Variants in BACH2 observed in about 807,000 individuals in gnomAD.
BACH2 encodes BACH transcriptional regulator 2, also known as transcription regulator protein BACH2.
In BACH2, 5 loss-of-function variants were observed where a neutral mutation model predicts 61.8. The observed-to-expected ratio is 0.08, with a 90% CI of 0.04 to 0.17. The LOEUF is 0.17. BACH2 is among the 10% of genes least tolerant of loss of function. The probability of loss-of-function intolerance (pLI) is 1.00; values close to 1 mark genes in which losing one functional copy is unlikely to be tolerated. For missense variants in BACH2, 824 were observed against 1,091.1 expected (o/e 0.76, Z 3.45); for synonymous variants, 446 against 440.1 (o/e 1.01, Z -0.17).
chr6:89,943,655 T>C (rs1053388284), intron 7 of BACH2, among the ~76,000 whole-genome samples: 3 of 152,212 alleles, frequency 2.0e-5, no homozygotes, highest in African/African-American at 7.2e-5. Flanking sequence ...CTAGTGTCTC[T>C]GCTTTGCTGG....
intron 4 of BACH2, among the ~76,000 whole-genome samples, chr6:90,155,236 C>G (rs1024403347): frequency 2.0e-5 from 3 of 152,174 alleles, no homozygotes; most frequent in Non-Finnish European, 4.4e-5. Context: ...CTGTTATGGG[C>G]TGGAAAGCCA....
chr6:90,092,330 T>C (rs1463225408), intron 4 of BACH2, among the ~76,000 whole-genome samples: 1 of 131,790 alleles, frequency 7.6e-6, no homozygotes, highest in Admixed American at 7.6e-5. Flanking sequence ...ACACACACAT[T>C]GCATCACTTG....
chr6:90,256,553 C>T (rs1417722581), intron 2 of BACH2, among the ~76,000 whole-genome samples: 2 of 152,096 alleles, frequency 1.3e-5, no homozygotes, highest in Non-Finnish European at 2.9e-5. Flanking sequence ...CATTTAAGAC[C>T]TCATGTGAAT....
At chr6:89,993,684 G>A (rs1776698518) in intron 6 of BACH2, among the ~76,000 whole-genome samples, 1 of 152,102 alleles carries the variant, frequency 6.6e-6, no homozygotes, top group African/African-American at 2.4e-5. Context: ...CATTACCACA[G>A]GGTCCACAGT....
intron 1 of BACH2, among the ~76,000 whole-genome samples, chr6:90,290,498 A>G (rs1341998048): frequency 2.0e-5 from 3 of 152,226 alleles, no homozygotes; most frequent in Admixed American, 1.3e-4. Flanking sequence ...TCTAAGCAAC[A>G]GTATTTCTGG....
At chr6:89,943,807 G>A (rs1237327252) in intron 7 of BACH2, among the ~76,000 whole-genome samples, 2 of 152,192 alleles carry the variant, frequency 1.3e-5, no homozygotes, top group African/African-American at 4.8e-5. Context: ...ATTACCAGAT[G>A]TTGATTGAAA....
chr6:90,171,566 T>G (rs1582446468), intron 4 of BACH2, among the ~76,000 whole-genome samples: 1 of 152,204 alleles, frequency 6.6e-6, no homozygotes, highest in East Asian at 1.9e-4. Context: ...AAAGCCTCTC[T>G]AGAATAATGA....
intron 3 of BACH2, among the ~76,000 whole-genome samples, chr6:90,237,695 G>C (rs1770305498): frequency 1.3e-5 from 2 of 152,166 alleles, no homozygotes; most frequent in Non-Finnish European, 2.9e-5. Flanking sequence ...CAGCTTTTCT[G>C]AATGAACCTG....
At chr6:90,189,309 C>T (rs948634757) in intron 4 of BACH2, among the ~76,000 whole-genome samples, 18 of 152,094 alleles carry the variant, frequency 1.2e-4, no homozygotes, top group African/African-American at 4.3e-4. Flanking sequence ...CAAGTTAACA[C>T]TTCAAGAGTG....
intron 5 of BACH2, among the ~76,000 whole-genome samples, chr6:90,057,264 G>T (rs1239628774): frequency 6.6e-6 from 1 of 152,116 alleles, no homozygotes; most frequent in East Asian, 1.9e-4. Flanking sequence ...GAATCAAATA[G>T]ACGCAATAAA....
At chr6:90,268,846 A>C (rs1467910089) in intron 2 of BACH2, among the ~76,000 whole-genome samples, 1 of 152,222 alleles carries the variant, frequency 6.6e-6, no homozygotes, top group Non-Finnish European at 1.5e-5. Context: ...AATATATTCA[A>C]ACTCTTATGA....
intron 3 of BACH2, among the ~76,000 whole-genome samples, chr6:90,243,759 T>G (rs1223071409): frequency 6.6e-6 from 1 of 152,202 alleles, no homozygotes; most frequent in Non-Finnish European, 1.5e-5. Flanking sequence ...AAATAGTTTT[T>G]TTCCTCATGA....
At chr6:90,135,081 T>C (rs1246091554) in intron 4 of BACH2, among the ~76,000 whole-genome samples, 59 of 152,274 alleles carry the variant, frequency 3.9e-4, no homozygotes, top group Non-Finnish European at 1.5e-5. Context: ...TGCAACAGTA[T>C]CACCTCCCTG....
chr6:90,184,657 G>A (rs919436667), intron 4 of BACH2, among the ~76,000 whole-genome samples: 2 of 152,168 alleles, frequency 1.3e-5, no homozygotes, highest in African/African-American at 2.4e-5. Flanking sequence ...TAATACAAGG[G>A]GTAAGCCCTA....
At chr6:89,959,857 T>C (rs1774641745) in intron 6 of BACH2, among the ~76,000 whole-genome samples, 1 of 152,194 alleles carries the variant, frequency 6.6e-6, no homozygotes, top group Non-Finnish European at 1.5e-5. Flanking sequence ...TTTTGCTGGT[T>C]AACTTATTAT....
chr6:90,045,437 C>G (rs1349723642), intron 5 of BACH2, among the ~76,000 whole-genome samples: 2 of 152,158 alleles, frequency 1.3e-5, no homozygotes, highest in Non-Finnish European at 2.9e-5. Flanking sequence ...ATGTACACAA[C>G]ACGTTTCAAA....
chr6:89,997,005 GCACACA>G (rs60037899), intron 6 of BACH2, among the ~76,000 whole-genome samples: 1 of 149,500 alleles, frequency 6.7e-6, no homozygotes. Context: ...ATGCACACGG[GCACACA>G]CACACACACA....
intron 6 of BACH2, among the ~76,000 whole-genome samples, chr6:89,959,703 C>CT (rs1244738864): frequency 6.6e-6 from 1 of 152,118 alleles, no homozygotes; most frequent in Non-Finnish European, 1.5e-5. Flanking sequence ...CTAATTTTGA[C>CT]TTCTATTATT....
intron 4 of BACH2, among the ~76,000 whole-genome samples, chr6:90,202,671 A>C (rs932999269): frequency 6.6e-6 from 1 of 152,234 alleles, no homozygotes; most frequent in African/African-American, 2.4e-5. Flanking sequence ...ATTATTTTTC[A>C]ATCAGATGGA....
Sources: gnomAD v4.1 joint callset for allele counts (sites outside exome capture counted in the v4.1 genomes callset) on GRCh38, gnomAD v4.1.1 for gene constraint, MANE v1.5 for transcripts, NCBI Gene and HGNC (gene_info 2026-07-23, HGNC 2026-07-21) for gene names.